POLA1: variants seen among roughly 807,000 people sequenced by gnomAD.
POLA1 encodes the protein DNA polymerase alpha catalytic subunit.
Under a neutral mutation model 124.0 loss-of-function variants are expected in POLA1, and 15 were observed. The observed-to-expected ratio is 0.12, with a 90% CI of 0.08 to 0.19. The LOEUF is 0.19. Ranked by LOEUF, POLA1 falls within the 10% of genes least tolerant of loss-of-function variation. The pLI is 1.00. For synonymous variants in POLA1, 408 were observed against 389.4 expected, an observed-to-expected ratio of 1.05 and a Z score of -0.56; for missense variants, 886 against 1,103.4, an observed-to-expected ratio of 0.80 and a Z score of 2.79.
At chrX:24,824,142 T>C (rs1253378342) in intron 31 of POLA1, among the ~76,000 whole-genome samples, 1 of 112,175 alleles carries the variant, frequency 8.9e-6, no homozygotes, top group African/African-American at 3.2e-5. Context: ...CTCTGAAGTA[T>C]GTACTTTGTG....
chrX:24,885,515 TTCTC>T (rs768496737), intron 34 of POLA1, among the ~76,000 whole-genome samples: 300 of 111,120 alleles, frequency 2.7e-3, no homozygotes, highest in African/African-American at 9.1e-3. Context: ...AGTATCTTGT[TTCTC>T]TCTCTCTCCC....
At chrX:24,766,167 A>G (rs913566683) in intron 26 of POLA1, among the ~76,000 whole-genome samples, 4 of 112,249 alleles carry the variant, frequency 3.6e-5, no homozygotes, top group African/African-American at 6.5e-5. Context: ...CTACTTGTCT[A>G]TTTGTACACA....
intron 36 of POLA1, among the ~76,000 whole-genome samples, chrX:24,939,628 A>G (rs1046434457): frequency 1.8e-5 from 2 of 111,783 alleles, no homozygotes; most frequent in African/African-American, 3.2e-5. Context: ...TTCCATGGTT[A>G]GTCTTCTTAG....
chrX:24,902,310 A>G (rs920972483), intron 35 of POLA1, among the ~76,000 whole-genome samples: 1 of 112,264 alleles, frequency 8.9e-6, no homozygotes, highest in Non-Finnish European at 1.9e-5. Context: ...CATTCTTGTC[A>G]GTCCCTTCTC....
intron 34 of POLA1, among the ~76,000 whole-genome samples, chrX:24,854,248 G>C (rs762634990): frequency 9.0e-6 from 1 of 110,730 alleles, no homozygotes; most frequent in East Asian, 2.9e-4. Context: ...GTTTCACCAT[G>C]TTGGCCAGGC....
rs750730320 is a variant in POLA1, at chrX:24,977,925, T to A, written c.4262-17880T>A. ...GGGGGTTTGGGGTCTCTGTCTTGAATATACTTTGAACCGGTCTTCACTCAT... is the reference window on the plus strand; with the variant it reads ...GGGGGTTTGGGGTCTCTGTCTTGAAAATACTTTGAACCGGTCTTCACTCAT... On this transcript the variant is annotated intron_variant, in intron 36 of 36. Transcript: ENST00000379068. 4.5e-5 allele frequency among the ~76,000 whole-genome samples: 5 copies of A among 111,408 alleles called. No homozygotes were observed. The East Asian group carries it at 1.4e-3, about 32-fold the overall frequency.
At chrX:24,978,231 G>A (rs751746633) in intron 36 of POLA1, among the ~76,000 whole-genome samples, 1 of 111,405 alleles carries the variant, frequency 9.0e-6, no homozygotes, top group Non-Finnish European at 1.9e-5. Flanking sequence ...CCACATTTTT[G>A]TACTAGGAAT....
chrX:24,836,351 C>A (rs747139911), intron 32 of POLA1, among the ~76,000 whole-genome samples: 1 of 111,772 alleles, frequency 8.9e-6, no homozygotes, highest in African/African-American at 3.3e-5. Flanking sequence ...CTCTGTCAAA[C>A]GTAAGCATGT....
intron 34 of POLA1, among the ~76,000 whole-genome samples, chrX:24,859,079 C>T (rs2046684100): frequency 9.0e-6 from 1 of 111,479 alleles, no homozygotes; most frequent in African/African-American, 3.3e-5. Flanking sequence ...ATTCCACTTA[C>T]ATTGCCTTTT....
At chrX:24,908,055 C>T (rs2047392469) in intron 35 of POLA1, among the ~76,000 whole-genome samples, 1 of 109,848 alleles carries the variant, frequency 9.1e-6, no homozygotes, top group African/African-American at 3.3e-5. Flanking sequence ...CCAATAATAG[C>T]TAAATTATAA....
intron 36 of POLA1, among the ~76,000 whole-genome samples, chrX:24,958,789 G>A (rs2048136899): frequency 9.0e-6 from 1 of 111,453 alleles, no homozygotes; most frequent in Non-Finnish European, 1.9e-5. Context: ...ATTGAGGCAG[G>A]GGGCAGCGTA....
At chrX:24,732,080 G>A (rs1365030526) in intron 15 of POLA1, among the ~76,000 whole-genome samples, 4 of 111,120 alleles carry the variant, frequency 3.6e-5, no homozygotes, top group African/African-American at 1.3e-4. Flanking sequence ...TCAGTCTCCC[G>A]AGTAGCTGGG....
chrX:24,723,177 A>G lies in POLA1; in HGVS notation c.1110A>G (p.Lys370=), dbSNP rs768240481. 8 of 1,202,903 alleles carry G rather than the reference A, an allele frequency of 6.7e-6. No individual in the cohort carries two copies. Among genetic ancestry groups the G allele is most frequent in the Non-Finnish European group, 9.0e-6 (8 of 887,537 alleles). Residue 370 remains lysine (K), a synonymous_variant, in exon 11 of 37, where the codon AAA becomes AAG. Transcript: ENST00000379068. ...NQPGVVFLFG[K]VWIESAETHV... ...CAGGTGTGGTATTTCTGTTTGGGAA[A>G]GTTTGGATTGAATCAGCCGAGACCC...
chrX:24,870,763 G>A (rs1260898434), intron 34 of POLA1, among the ~76,000 whole-genome samples: 1 of 111,926 alleles, frequency 8.9e-6, no homozygotes, highest in Non-Finnish European at 1.9e-5. Flanking sequence ...TCTTAGTGTC[G>A]ATGGGAGGCA....
At chrX:24,919,832 G>A (rs781040732) in intron 35 of POLA1, among the ~76,000 whole-genome samples, 1 of 34,465 alleles carries the variant, frequency 2.9e-5, no homozygotes, top group African/African-American at 1.1e-4. Flanking sequence ...TTTTTTTTTT[G>A]TTTTGTTTTT....
intron 16 of POLA1, 108 bp from the exon 17 acceptor site, chrX:24,733,647 T>TG: frequency 2.4e-6 from 1 of 409,182 alleles, no homozygotes; most frequent in South Asian, 5.7e-5. Flanking sequence ...TCTTTAGGGT[T>TG]GGGGGGAATA....
At chrX:24,874,579 C>T (rs1394735299) in intron 34 of POLA1, among the ~76,000 whole-genome samples, 2 of 111,601 alleles carry the variant, frequency 1.8e-5, no homozygotes, top group South Asian at 3.8e-4. Context: ...AAATAATCAC[C>T]GGTAGTTCTT....
chrX:24,892,208 T>C (rs922061932), intron 35 of POLA1, among the ~76,000 whole-genome samples: 1 of 110,849 alleles, frequency 9.0e-6, no homozygotes, highest in Non-Finnish European at 1.9e-5. Flanking sequence ...AGTATACAAG[T>C]TGCTGCTTAA....
chrX:24,779,772 C>T (rs1041874929), intron 26 of POLA1, among the ~76,000 whole-genome samples: 5 of 111,918 alleles, frequency 4.5e-5, no homozygotes, highest in African/African-American at 1.3e-4. Context: ...TATATACCCA[C>T]GTTACAGCTG....
Sources: gnomAD v4.1 joint callset for allele counts (sites outside exome capture counted in the v4.1 genomes callset) on GRCh38, gnomAD v4.1.1 for gene constraint, MANE v1.5 for transcripts, NCBI Gene and HGNC (gene_info 2026-07-23, HGNC 2026-07-21) for gene names.